The following YTHDC2 variants were observed in gnomAD, a reference collection of about 807,000 sequenced individuals.
YTHDC2 encodes YTH N6-methyladenosine RNA binding protein C2.
In YTHDC2, 45 loss-of-function variants were observed where a neutral mutation model predicts 174.9. The observed-to-expected ratio is 0.26, with a 90% CI of 0.20 to 0.33. The LOEUF is 0.33. YTHDC2 is among the 10% of genes least tolerant of loss of function. The pLI is 1.00. For synonymous variants in YTHDC2, 657 were observed against 574.5 expected, an observed-to-expected ratio of 1.14 and a Z score of -2.05; for missense variants, 1,650 against 1,723.7, an observed-to-expected ratio of 0.96 and a Z score of 0.76.
chr5:113,555,835 C>T (rs760794067), intron 16 of YTHDC2, among the ~76,000 whole-genome samples: 19 of 152,246 alleles, frequency 1.2e-4, no homozygotes, highest in Middle Eastern at 6.8e-3. Flanking sequence ...AGAAGTTTTA[C>T]GCTCTTCTGA....
At chr5:113,514,820 C>T (rs1300941523) in intron 1 of YTHDC2, among the ~76,000 whole-genome samples, 3 of 152,122 alleles carry the variant, frequency 2.0e-5, no homozygotes, top group Admixed American at 2.0e-4. Context: ...GAATTCTGTA[C>T]AGTTTTGAAA....
intron 28 of YTHDC2, 173 bp downstream of exon 28, chr5:113,592,351 T>C: frequency 1.9e-6 from 1 of 537,120 alleles, no homozygotes; most frequent in East Asian, 3.3e-5. Flanking sequence ...TAAATGTGTC[T>C]GATTGCTCCT....
At chr5:113,546,084 A>G (rs1775869745) in intron 10 of YTHDC2, among the ~76,000 whole-genome samples, 1 of 152,180 alleles carries the variant, frequency 6.6e-6, no homozygotes, top group Admixed American at 6.6e-5. Context: ...GAAAGTGTAG[A>G]TATTTGTTCA....
chr5:113,514,971 A>T (rs1676762377), intron 1 of YTHDC2, among the ~76,000 whole-genome samples: 2 of 152,246 alleles, frequency 1.3e-5, no homozygotes, highest in Admixed American at 1.3e-4. Context: ...AAAATTCCAG[A>T]ACAAGTAAGA....
chr5:113,551,402 T>C (rs1232441797), intron 12 of YTHDC2, among the ~76,000 whole-genome samples: 1 of 152,166 alleles, frequency 6.6e-6, no homozygotes, highest in Middle Eastern at 3.2e-3. Context: ...GTATTTAAAA[T>C]TGAATATATT....
intron 7 of YTHDC2, 42 bp from the exon 8 acceptor site, chr5:113,539,032 C>T (rs1263943157): frequency 2.0e-6 from 2 of 1,000,914 alleles, no homozygotes; most frequent in Non-Finnish European, 2.8e-6. Flanking sequence ...TGAATTTTCT[C>T]CAAGATGCAA....
In YTHDC2 at chr5:113,547,342, A is replaced by C. The variant is rs188069235; in HGVS notation, c.1496-1199A>C. 1.3e-3 allele frequency among the ~76,000 whole-genome samples: 193 copies of C among 152,340 alleles called. 1 individual carries two copies. Among genetic ancestry groups the C allele is most frequent in the African/African-American group, 4.5e-3 (188 of 41,572 alleles). On this transcript the variant is annotated intron_variant, in intron 10 of 29. Transcript: ENST00000161863. ...CTGAATCTCTGAGTAAGGTATGGCT[A>C]TCTGTGCTTTTAAAAATACAAAGCA... is the stretch of plus-strand genomic sequence containing the variant.
intron 7 of YTHDC2, among the ~76,000 whole-genome samples, chr5:113,537,912 A>G (rs767539438): frequency 2.0e-5 from 3 of 152,146 alleles, no homozygotes; most frequent in Non-Finnish European, 2.9e-5. Context: ...TTGGGTGATC[A>G]GGGACATCAG....
At chr5:113,586,240 G>A (rs973632138) in intron 26 of YTHDC2, among the ~76,000 whole-genome samples, 1 of 151,856 alleles carries the variant, frequency 6.6e-6, no homozygotes, top group Non-Finnish European at 1.5e-5. Flanking sequence ...GTTTTAATTT[G>A]TATTTTCCCA....
intron 10 of YTHDC2, among the ~76,000 whole-genome samples, chr5:113,544,053 C>T (rs1466953202): frequency 1.3e-5 from 2 of 152,172 alleles, no homozygotes; most frequent in East Asian, 3.8e-4. Context: ...ATGAAAACTA[C>T]ATGAGGGCAG....
At chr5:113,548,368 G>A (rs1561657676) in intron 10 of YTHDC2, among the ~76,000 whole-genome samples, 173 bp from the exon 11 acceptor site, 1 of 152,094 alleles carries the variant, frequency 6.6e-6, no homozygotes, top group Non-Finnish European at 1.5e-5. Flanking sequence ...ATAACAGATT[G>A]CTGTAAGTGA....
chr5:113,525,577 G>T (rs1774157864), intron 3 of YTHDC2, among the ~76,000 whole-genome samples: 1 of 152,060 alleles, frequency 6.6e-6, no homozygotes, highest in Non-Finnish European at 1.5e-5. Flanking sequence ...ATAAACTGCA[G>T]AGCGGGTATT....
At chr5:113,538,738 A>G (rs1775252952) in intron 7 of YTHDC2, among the ~76,000 whole-genome samples, 1 of 151,926 alleles carries the variant, frequency 6.6e-6, no homozygotes, top group Non-Finnish European at 1.5e-5. Flanking sequence ...GGATTTTTGG[A>G]TTGATTTCTG....
chr5:113,537,233 A>G (rs1040551483), intron 7 of YTHDC2, among the ~76,000 whole-genome samples: 1 of 152,190 alleles, frequency 6.6e-6, no homozygotes, highest in Non-Finnish European at 1.5e-5. Flanking sequence ...TCTGAAGTGT[A>G]TAAGGCTATT....
At chr5:113,568,000 C>G in intron 23 of YTHDC2, 151 bp downstream of exon 23, 2 of 473,502 alleles carry the variant, frequency 4.2e-6, no homozygotes, top group Non-Finnish European at 6.9e-6. Context: ...TTAGGAAATA[C>G]TAAGGTATAC....
chr5:113,590,543 C>A (rs902737212), intron 26 of YTHDC2, among the ~76,000 whole-genome samples: 2 of 152,170 alleles, frequency 1.3e-5, no homozygotes, highest in Non-Finnish European at 2.9e-5. Context: ...GGGAACCCCT[C>A]TGTGTTTCCT....
intron 10 of YTHDC2, among the ~76,000 whole-genome samples, chr5:113,543,490 C>T (rs1016481831): frequency 1.3e-5 from 2 of 152,180 alleles, no homozygotes; most frequent in Non-Finnish European, 1.5e-5. Flanking sequence ...GTACATTTCA[C>T]TCCCCTAGTC....
Position 113,581,779 on chromosome 5 carries a change from CAT to C in YTHDC2, c.3647+71_3647+72del, listed in dbSNP as rs1778418351. The C allele has an allele frequency of 4.6e-5, 58 of 1,253,120 alleles. No homozygotes were observed. In the South Asian group the frequency reaches 1.2e-3, roughly 26 times the overall value. 77.6% of individuals were successfully genotyped at this position (1,253,120 alleles called of 1,614,324 possible). A position where few individuals can be genotyped will look rare whatever the true frequency, so the allele number is the denominator to read the frequency against. On this transcript the variant is annotated intron_variant, in intron 25 of 29. Coordinates refer to ENST00000161863, the MANE Select transcript of YTHDC2 (RefSeq NM_022828.5). ...GAAAATGAATTATTTATCTTAGAATCATGTGCTTTTATAATATTTAAAAATTA... is the reference window on the plus strand; with the variant it reads ...GAAAATGAATTATTTATCTTAGAATCGTGCTTTTATAATATTTAAAAATTA...
At position 113,594,786 on chromosome 5, in the gene YTHDC2, A is replaced by G. The variant is rs1368981420; in HGVS notation, c.*1312A>G. The G allele has an allele frequency of 6.6e-6, 1 of 152,220 alleles. No homozygotes were observed. The allele number at this position is 152,220 out of a possible 1,614,324, so 9.4% of individuals were successfully genotyped here. ...CAAACATGAGTGTAAATTAAAGACAAAAAGAAAACTCTGGTTTTATATTTG... is the reference window on the plus strand; with the variant it reads ...CAAACATGAGTGTAAATTAAAGACAGAAAGAAAACTCTGGTTTTATATTTG... On this transcript the variant is annotated 3_prime_UTR_variant, in exon 30 of 30. Coordinates refer to ENST00000161863, the MANE Select transcript of YTHDC2 (RefSeq NM_022828.5).
Sources: gnomAD v4.1 joint callset for allele counts (sites outside exome capture counted in the v4.1 genomes callset) on GRCh38, gnomAD v4.1.1 for gene constraint, MANE v1.5 for transcripts, NCBI Gene and HGNC (gene_info 2026-07-23, HGNC 2026-07-21) for gene names.